Variants in SRGAP1 observed in about 807,000 individuals in gnomAD.
SRGAP1 encodes SLIT-ROBO Rho GTPase activating protein 1, also known as SLIT-ROBO Rho GTPase-activating protein 1.
A neutral mutation model predicts 121.9 loss-of-function variants in SRGAP1; 43 were observed. That is an observed-to-expected ratio of 0.35 (90% CI 0.28 to 0.46). The LOEUF (loss-of-function observed/expected upper bound fraction) is 0.46, where lower values mean the gene tolerates loss of function less well. Among genes scored for constraint, SRGAP1 ranks in the 20% least tolerant of loss-of-function variants. SRGAP1 has a pLI of 1.00. For synonymous variants in SRGAP1, 447 were observed against 485.4 expected (o/e 0.92, Z 1.04); for missense variants, 1,102 against 1,350.9 (o/e 0.82, Z 2.89).
At chr12:64,006,872 TA>T (rs1240069087) in intron 3 of SRGAP1, among the ~76,000 whole-genome samples, 1 of 152,206 alleles carries the variant, frequency 6.6e-6, no homozygotes, top group African/African-American at 2.4e-5. Flanking sequence ...AAATCCAGAA[TA>T]TTTTTATTCA....
chr12:63,905,198 G>T (rs991112474), intron 1 of SRGAP1, among the ~76,000 whole-genome samples: 5 of 152,190 alleles, frequency 3.3e-5, no homozygotes, highest in African/African-American at 1.2e-4. Flanking sequence ...AGTATCGTTA[G>T]TGCCTTCCTA....
chr12:63,916,709 C>CT lies in SRGAP1; in HGVS notation c.68-67237dup, dbSNP rs1216830270. Among the ~76,000 whole-genome samples the CT allele has an allele frequency of 2.0e-5, 3 of 152,216 alleles. No homozygotes were observed. In the East Asian group the frequency reaches 5.8e-4, roughly 29 times the overall value. On this transcript the variant is annotated intron_variant, in intron 1 of 21. Coordinates refer to ENST00000355086, the MANE Select transcript of SRGAP1 (RefSeq NM_020762.4). ...GAGGAAGTTGTGACTATGCTGAAAG[C>CT]TGAGAAGGGGCATAAGGTGCCTAGG...
intron 1 of SRGAP1, among the ~76,000 whole-genome samples, chr12:63,894,951 TAGCAGC>T (rs200216824): frequency 0.088 from 13,371 of 152,166 alleles, 686 homozygotes; most frequent in East Asian, 0.14. Context: ...TGTGCCTTTA[TAGCAGC>T]AGCAGCATGA....
At chr12:63,918,959 G>A (rs575027569) in intron 1 of SRGAP1, among the ~76,000 whole-genome samples, 25 of 152,184 alleles carry the variant, frequency 1.6e-4, no homozygotes, top group African/African-American at 5.3e-4. Context: ...GGGGAGTGAC[G>A]TGTGCTATAA....
intron 15 of SRGAP1, among the ~76,000 whole-genome samples, chr12:64,106,108 C>T (rs976588465): frequency 1.3e-5 from 2 of 152,134 alleles, no homozygotes; most frequent in African/African-American, 2.4e-5. Flanking sequence ...GAGCTTCGAA[C>T]TCCTGGGCTC....
Position 64,135,270 on chromosome 12 carries a change from A to G in SRGAP1, c.2881-7025A>G, listed in dbSNP as rs1342763709. ...ATCAATGCCCTCACTTTAACAGTAGACACCTGGTGAGGCTGTGCATGTATC... is the reference window on the plus strand; with the variant it reads ...ATCAATGCCCTCACTTTAACAGTAGGCACCTGGTGAGGCTGTGCATGTATC... On this transcript the variant is annotated intron_variant, in intron 21 of 21. Transcript: ENST00000355086. Among the ~76,000 whole-genome samples the G allele has an allele frequency of 6.6e-5, 10 of 152,278 alleles. No homozygotes were observed. In the South Asian group the frequency reaches 1.0e-3, roughly 16 times the overall value.
At chr12:63,914,073 T>G (rs2030673090) in intron 1 of SRGAP1, among the ~76,000 whole-genome samples, 1 of 152,240 alleles carries the variant, frequency 6.6e-6, no homozygotes, top group South Asian at 2.1e-4. Context: ...ATGAATTTGT[T>G]GTTCAGAACA....
intron 1 of SRGAP1, among the ~76,000 whole-genome samples, chr12:63,887,032 C>T (rs1332869521): frequency 6.6e-6 from 1 of 152,070 alleles, no homozygotes; most frequent in African/African-American, 2.4e-5. Context: ...CGCCACCATG[C>T]CTGGCTTATT....
At chr12:64,027,779 A>C (rs2034686431) in intron 4 of SRGAP1, among the ~76,000 whole-genome samples, 2 of 152,110 alleles carry the variant, frequency 1.3e-5, no homozygotes, top group South Asian at 4.1e-4. Flanking sequence ...TTGTTCCAAT[A>C]AAAGGAGTGA....
chr12:64,066,239 C>T (rs959653549), intron 8 of SRGAP1, among the ~76,000 whole-genome samples: 2 of 152,134 alleles, frequency 1.3e-5, no homozygotes, highest in African/African-American at 4.8e-5. Flanking sequence ...CTATGTGGTC[C>T]CTTTTAAAGC....
At chr12:64,116,542 A>G (rs1421276554) in intron 18 of SRGAP1, among the ~76,000 whole-genome samples, 1 of 151,996 alleles carries the variant, frequency 6.6e-6, no homozygotes, top group Non-Finnish European at 1.5e-5. Flanking sequence ...TCTACTCAGT[A>G]TTATGTTCCT....
In SRGAP1 at chr12:64,144,375, T is replaced by A. The variant is rs2037016632; in HGVS notation, c.*1703T>A. On this transcript the variant is annotated 3_prime_UTR_variant, in exon 22 of 22. Coordinates refer to ENST00000355086, the MANE Select transcript of SRGAP1 (RefSeq NM_020762.4). ...AGAGCTACACAGTGTAGATTTTACTTCATCAGCCCATTGGTGAATGCATCG... is the reference window on the plus strand; with the variant it reads ...AGAGCTACACAGTGTAGATTTTACTACATCAGCCCATTGGTGAATGCATCG... The A allele has an allele frequency of 6.6e-6, 1 of 151,396 alleles. No individual in the cohort carries two copies. The highest frequency in any genetic ancestry group is 2.1e-4 in the South Asian group (1 of 4,770). 9.4% of individuals were successfully genotyped at this position (151,396 alleles called of 1,614,324 possible).
intron 1 of SRGAP1, among the ~76,000 whole-genome samples, chr12:63,866,519 T>C (rs1899637853): frequency 6.6e-6 from 1 of 152,224 alleles, no homozygotes; most frequent in South Asian, 2.1e-4. Flanking sequence ...ATTAAAATGA[T>C]GTATAACATA....
chr12:64,017,259 A>G (rs2034428821), intron 4 of SRGAP1, among the ~76,000 whole-genome samples: 2 of 152,248 alleles, frequency 1.3e-5, no homozygotes. Flanking sequence ...ATGTATATAC[A>G]CAATTAGCAC....
chr12:63,961,324 G>C lies in SRGAP1; in HGVS notation c.68-22623G>C, dbSNP rs190875096. 2.0e-5 allele frequency among the ~76,000 whole-genome samples: 3 copies of C among 152,146 alleles called. No individual in the cohort carries two copies. The East Asian group carries it at 5.8e-4, about 29-fold the overall frequency. ...AGTTGTGCCTTGTCTACCTGGACCTGCCCCTAATATTGGCTAGCATCTCCT... is the reference window on the plus strand; with the variant it reads ...AGTTGTGCCTTGTCTACCTGGACCTCCCCCTAATATTGGCTAGCATCTCCT... On this transcript the variant is annotated intron_variant, in intron 1 of 21. Transcript: ENST00000355086.
chr12:64,012,905 AT>A (rs977316547), intron 3 of SRGAP1, among the ~76,000 whole-genome samples: 2 of 150,684 alleles, frequency 1.3e-5, no homozygotes, highest in East Asian at 1.9e-4. Context: ...CCTATTAAAT[AT>A]TTTTTTTTCC....
At chr12:63,981,379 A>AC (rs1467950942) in intron 1 of SRGAP1, among the ~76,000 whole-genome samples, 1 of 152,198 alleles carries the variant, frequency 6.6e-6, no homozygotes, top group African/African-American at 2.4e-5. Flanking sequence ...AAACAAACAA[A>AC]AAAAACCCCA....
At chr12:64,025,885 G>A (rs912554478) in intron 4 of SRGAP1, among the ~76,000 whole-genome samples, 1 of 152,102 alleles carries the variant, frequency 6.6e-6, no homozygotes, top group Non-Finnish European at 1.5e-5. Context: ...CAGAATGATC[G>A]GGATTAATAA....
chr12:64,047,496 G>A (rs931348263), intron 6 of SRGAP1, among the ~76,000 whole-genome samples: 6 of 152,032 alleles, frequency 3.9e-5, no homozygotes, highest in South Asian at 2.1e-4. Flanking sequence ...TAATGCCTCC[G>A]GTGAGAAAAA....
Sources: allele counts gnomAD v4.1 joint callset (sites outside exome capture counted in the v4.1 genomes callset), GRCh38; gene constraint gnomAD v4.1.1; transcripts MANE v1.5; gene names NCBI Gene and HGNC (gene_info 2026-07-23, HGNC 2026-07-21).